ARHGAP12: variants seen among roughly 807,000 people sequenced by gnomAD.
ARHGAP12 encodes Rho GTPase activating protein 12.
In ARHGAP12, 64 loss-of-function variants were observed where a neutral mutation model predicts 108.6. That is an observed-to-expected ratio of 0.59 (90% CI 0.48 to 0.73). The LOEUF (loss-of-function observed/expected upper bound fraction) is 0.73. Among genes scored for constraint, ARHGAP12 ranks in the 30% least tolerant of loss-of-function variants. ARHGAP12 has a pLI of 0.00. For missense variants in ARHGAP12, 940 were observed against 1,005.9 expected (o/e 0.93, Z 0.89); for synonymous variants, 312 against 337.2 (o/e 0.93, Z 0.82).
At chr10:31,856,474 C>T (rs1836891022) in intron 4 of ARHGAP12, among the ~76,000 whole-genome samples, 1 of 152,092 alleles carries the variant, frequency 6.6e-6, no homozygotes, top group African/African-American at 2.4e-5. Flanking sequence ...AAATTTTGCT[C>T]CTTTATTCCA....
intron 11 of ARHGAP12, among the ~76,000 whole-genome samples, chr10:31,824,287 G>C (rs1234106332): frequency 1.3e-5 from 2 of 152,030 alleles, no homozygotes; most frequent in Admixed American, 1.3e-4. Flanking sequence ...AAATGGTGTG[G>C]TTATGTTTTT....
chr10:31,913,006 C>T (rs1332332857), intron 1 of ARHGAP12: 1 of 152,172 alleles, frequency 6.6e-6, no homozygotes, highest in East Asian at 1.9e-4. Context: ...TCCCTTGCCA[C>T]GCAGAAGCGT....
At chr10:31,829,854 T>C (rs981982797) in intron 10 of ARHGAP12, among the ~76,000 whole-genome samples, 2 of 152,156 alleles carry the variant, frequency 1.3e-5, no homozygotes, top group African/African-American at 4.8e-5. Flanking sequence ...AAATGCACAA[T>C]TATCTGAACA....
chr10:31,874,760 G>C lies in ARHGAP12; in HGVS notation c.685-13102C>G, dbSNP rs370110288. 1.3e-3 allele frequency among the ~76,000 whole-genome samples: 199 copies of C among 152,004 alleles called. 2 individuals are homozygous for C. In the Middle Eastern group the frequency reaches 0.014, roughly 10 times the overall value. ...CGGCCGAGGCGTGCGGATCACCTGA[G>C]GTCAAAAGTTCGAGACCAGCCTGGC... On this transcript the variant is annotated intron_variant, in intron 3 of 19. Coordinates refer to ENST00000344936, the MANE Select transcript of ARHGAP12 (RefSeq NM_018287.7).
chr10:31,926,380 CA>C (rs1433487217), intron 1 of ARHGAP12, among the ~76,000 whole-genome samples: 4 of 151,346 alleles, frequency 2.6e-5, no homozygotes, highest in Admixed American at 1.3e-4. Flanking sequence ...ATAGGTTCCT[CA>C]AAAGAGGTAA....
chr10:31,838,161 T>G (rs1836097070), intron 9 of ARHGAP12, among the ~76,000 whole-genome samples: 1 of 152,102 alleles, frequency 6.6e-6, no homozygotes, highest in African/African-American at 2.4e-5. Context: ...GAATAGAAGC[T>G]AACCAGGCAA....
intron 1 of ARHGAP12, among the ~76,000 whole-genome samples, chr10:31,916,504 A>C (rs921026092): frequency 2.0e-5 from 3 of 152,220 alleles, no homozygotes; most frequent in Non-Finnish European, 2.9e-5. Flanking sequence ...ACCAAAACTT[A>C]AACAGTTCAG....
At chr10:31,918,000 G>C (rs72778370) in intron 1 of ARHGAP12, among the ~76,000 whole-genome samples, 1 of 151,210 alleles carries the variant, frequency 6.6e-6, no homozygotes, top group Admixed American at 6.6e-5. Flanking sequence ...CTGTCACTTA[G>C]GCTGGAGTGC....
intron 14 of ARHGAP12, among the ~76,000 whole-genome samples, chr10:31,813,054 A>G (rs1158919179): frequency 6.6e-6 from 1 of 152,194 alleles, no homozygotes; most frequent in Non-Finnish European, 1.5e-5. Context: ...CACTAAAAAC[A>G]GATGACAACT....
In ARHGAP12 at chr10:31,847,479, C is replaced by T. The variant is rs577266955; in HGVS notation, c.1171-3893G>A. On this transcript the variant is annotated intron_variant, in intron 6 of 19. Transcript: ENST00000344936. The stretch of plus-strand genomic sequence containing the variant: ...AGGCCAGTCTGAAACCTGGGCAGTA[C>T]TCCCCACCATGTTTCAGTTCTCAAA... Among the ~76,000 whole-genome samples, 5 of 152,282 alleles carry T rather than the reference C, an allele frequency of 3.3e-5. No individual in the cohort carries two copies. The East Asian group carries it at 9.6e-4, about 29-fold the overall frequency.
intron 3 of ARHGAP12, among the ~76,000 whole-genome samples, chr10:31,871,738 A>C (rs975668850): frequency 1.3e-5 from 2 of 152,226 alleles, no homozygotes; most frequent in Non-Finnish European, 2.9e-5. Flanking sequence ...ACCACTGGTA[A>C]AGACTATCTA....
intron 10 of ARHGAP12, among the ~76,000 whole-genome samples, chr10:31,828,662 T>C (rs2132193467): frequency 6.6e-6 from 1 of 152,264 alleles, no homozygotes; most frequent in African/African-American, 2.4e-5. Context: ...GACTAAGCAC[T>C]TGCGTGACTT....
chr10:31,847,895 G>A (rs751054648), intron 6 of ARHGAP12, among the ~76,000 whole-genome samples: 5 of 152,096 alleles, frequency 3.3e-5, no homozygotes, highest in Non-Finnish European at 7.4e-5. Context: ...AACAGAGTAG[G>A]TATAATAAAC....
Position 31,808,729 on chromosome 10 carries a change from G to A in ARHGAP12, c.2286C>T (p.Val762=), listed in dbSNP as rs1204792270. The A allele has an allele frequency of 5.0e-6, 8 of 1,613,604 alleles. No individual in the cohort carries two copies. The highest frequency in any genetic ancestry group is 1.3e-5 in the African/African-American group (1 of 74,894). Residue 762 remains valine (V), a synonymous_variant, in exon 19 of 20, where the codon GTC becomes GTT. Transcript: ENST00000344936. The stretch of plus-strand genomic sequence containing the variant: ...GTCTGATTAGGTCCTTAACAGCAGC[G>A]ACTCGCTGTCTTGGTTCTTGCTCTG... ...NAIKQEPRQR[V]AAVKDLIRQL...
chr10:31,914,925 C>T (rs1839493489), intron 1 of ARHGAP12, among the ~76,000 whole-genome samples: 1 of 152,186 alleles, frequency 6.6e-6, no homozygotes, highest in Non-Finnish European at 1.5e-5. Context: ...TATACATACA[C>T]ACATACACAC....
chr10:31,883,738 G>A lies in ARHGAP12; in HGVS notation c.685-22080C>T, dbSNP rs367939098. Among the ~76,000 whole-genome samples, 5 of 145,996 alleles carry A rather than the reference G, an allele frequency of 3.4e-5. 1 individual carries two copies. Among genetic ancestry groups the A allele is most frequent in the Middle Eastern group, 3.5e-3 (1 of 284 alleles). On this transcript the variant is annotated intron_variant, in intron 3 of 19. Transcript: ENST00000344936. ...CTTTTTTTTTTTTTTTTGAGACAAC[G>A]TATTGCTCTGTCACCCAGGCTGGAG... is the stretch of plus-strand genomic sequence containing the variant.
intron 5 of ARHGAP12, 93 bp downstream of exon 5, chr10:31,853,973 G>GT (rs1836792292): frequency 3.1e-6 from 4 of 1,301,572 alleles, no homozygotes; most frequent in East Asian, 4.9e-5. Context: ...ATTTTCATGA[G>GT]TTTTTTCTTT....
chr10:31,918,184 T>C (rs1275167491), intron 1 of ARHGAP12, among the ~76,000 whole-genome samples: 1 of 152,136 alleles, frequency 6.6e-6, no homozygotes, highest in Non-Finnish European at 1.5e-5. Flanking sequence ...AAATGCATTT[T>C]TGACTCACAA....
intron 11 of ARHGAP12, among the ~76,000 whole-genome samples, chr10:31,824,320 G>C (rs1592256358): frequency 6.6e-6 from 1 of 152,196 alleles, no homozygotes; most frequent in East Asian, 1.9e-4. Context: ...TGTCTGAACT[G>C]ATTATATTAA....
Sources: allele counts gnomAD v4.1 joint callset (sites outside exome capture counted in the v4.1 genomes callset), GRCh38; gene constraint gnomAD v4.1.1; transcripts MANE v1.5; gene names NCBI Gene and HGNC (gene_info 2026-07-23, HGNC 2026-07-21).